Variants in ZNF385D observed in about 807,000 individuals in gnomAD.
ZNF385D encodes zinc finger protein 659.
A neutral mutation model predicts 35.8 loss-of-function variants in ZNF385D; 15 were observed. The ratio of observed to expected loss-of-function variants is 0.42; its 90% CI spans 0.28 to 0.64. The LOEUF (loss-of-function observed/expected upper bound fraction) is 0.64, where lower values mean the gene tolerates loss of function less well. Among genes scored for constraint, ZNF385D ranks in the 30% least tolerant of loss-of-function variants. ZNF385D has a pLI of 0.23. For synonymous variants in ZNF385D, 212 were observed against 186.8 expected, an observed-to-expected ratio of 1.13 and a Z score of -1.10; for missense variants, 474 against 494.6, an observed-to-expected ratio of 0.96 and a Z score of 0.39.
intron 3 of ZNF385D, among the ~76,000 whole-genome samples, chr3:21,922,787 T>C (rs745584044): frequency 1.3e-5 from 2 of 152,074 alleles, no homozygotes; most frequent in Non-Finnish European, 2.9e-5. Context: ...AATTGACAAG[T>C]GAGACCCAAT....
chr3:22,236,425 G>A (rs1181058494), intron 2 of ZNF385D, among the ~76,000 whole-genome samples: 1 of 152,052 alleles, frequency 6.6e-6, no homozygotes, highest in African/African-American at 2.4e-5. Context: ...TCAAACTCCT[G>A]GCTTCAAGTG....
In ZNF385D at chr3:21,808,596, T is replaced by C. The variant is rs192433374; in HGVS notation, c.326-143568A>G. 1.5e-3 allele frequency among the ~76,000 whole-genome samples: 221 copies of C among 152,320 alleles called. 1 individual carries two copies. The highest frequency in any genetic ancestry group is 2.7e-3 in the Non-Finnish European group (186 of 68,028). The stretch of plus-strand genomic sequence containing the variant: ...CTCCTTTGTGCCAGTGCTGTGGCCA[T>C]AGAGCTACTGGGTGGACTGTTGTCA... On this transcript the variant is annotated intron_variant, in intron 3 of 5. Transcript: ENST00000494108.
chr3:22,047,745 C>T (rs974719712), intron 3 of ZNF385D, among the ~76,000 whole-genome samples: 1 of 152,164 alleles, frequency 6.6e-6, no homozygotes, highest in South Asian at 2.1e-4. Context: ...TGATTTTATA[C>T]TCTTTAGATG....
chr3:21,742,749 G>A (rs978924189), intron 1 of ZNF385D, among the ~76,000 whole-genome samples: 11 of 152,108 alleles, frequency 7.2e-5, no homozygotes, highest in Non-Finnish European at 1.6e-4. Context: ...AGTTTCTTGC[G>A]ATTGCTACTC....
intron 2 of ZNF385D, among the ~76,000 whole-genome samples, chr3:22,178,043 A>G (rs1330441429): frequency 6.6e-6 from 1 of 152,188 alleles, no homozygotes; most frequent in Non-Finnish European, 1.5e-5. Context: ...CGCATTAAAC[A>G]TATGTGTACA....
At position 21,824,260 on chromosome 3, in the gene ZNF385D, G is replaced by A. The variant is rs114575493; in HGVS notation, c.326-159232C>T. 3.2e-3 allele frequency among the ~76,000 whole-genome samples: 485 copies of A among 152,232 alleles called. 4 individuals carry two copies. Among genetic ancestry groups the A allele is most frequent in the African/African-American group, 0.011 (448 of 41,536 alleles). On this transcript the variant is annotated intron_variant, in intron 3 of 5. Coordinates refer to the ZNF385D transcript ENST00000494108. Reference sequence around the variant, plus strand: ...TTTAAATTAACGTTATATTCAAAACGACATATCTACGTGTTTGATAATTCT... The same window carrying A: ...TTTAAATTAACGTTATATTCAAAACAACATATCTACGTGTTTGATAATTCT...
intron 1 of ZNF385D, among the ~76,000 whole-genome samples, chr3:21,725,871 A>G (rs559911584): frequency 1.3e-5 from 2 of 152,238 alleles, no homozygotes; most frequent in East Asian, 1.9e-4. Flanking sequence ...CGGCAGAGAC[A>G]TAACAAAAAA....
At chr3:22,023,501 C>T (rs185639021) in intron 3 of ZNF385D, among the ~76,000 whole-genome samples, 1 of 152,230 alleles carries the variant, frequency 6.6e-6, no homozygotes, top group Admixed American at 6.5e-5. Context: ...CATCAAAACC[C>T]ATCTTTGCTG....
intron 2 of ZNF385D, among the ~76,000 whole-genome samples, chr3:21,618,338 C>T (rs762569143): frequency 3.3e-5 from 5 of 151,994 alleles, no homozygotes; most frequent in African/African-American, 4.8e-5. Context: ...CCAAGAATGC[C>T]GAGGATTTTC....
intron 2 of ZNF385D, among the ~76,000 whole-genome samples, chr3:22,208,622 CT>C (rs1401203468): frequency 2.0e-5 from 3 of 151,522 alleles, no homozygotes; most frequent in Non-Finnish European, 2.9e-5. Context: ...CTCATTTCCC[CT>C]CATGTGATTA....
chr3:22,081,952 T>C (rs1274847198), intron 3 of ZNF385D, among the ~76,000 whole-genome samples: 4 of 151,908 alleles, frequency 2.6e-5, no homozygotes, highest in Non-Finnish European at 5.9e-5. Flanking sequence ...CCCCTAGTAG[T>C]TCTAAAGGCA....
chr3:21,770,361 G>T (rs2071024748), intron 3 of ZNF385D, among the ~76,000 whole-genome samples: 1 of 152,032 alleles, frequency 6.6e-6, no homozygotes, highest in Admixed American at 6.6e-5. Flanking sequence ...CTAATATCCA[G>T]AATCTACAAA....
intron 3 of ZNF385D, among the ~76,000 whole-genome samples, chr3:22,026,339 T>A (rs1054506746): frequency 6.6e-6 from 1 of 152,082 alleles, no homozygotes; most frequent in Non-Finnish European, 1.5e-5. Flanking sequence ...ACCGACAATT[T>A]ATGTGGTGAA....
intron 3 of ZNF385D, chr3:21,542,687 C>T (rs2062215288): frequency 1.3e-5 from 2 of 152,226 alleles, no homozygotes; most frequent in Admixed American, 1.3e-4. Flanking sequence ...ATCAGCCTGC[C>T]CACTGAGGTG....
intron 2 of ZNF385D, among the ~76,000 whole-genome samples, chr3:21,648,775 A>C (rs1266766076): frequency 4.6e-5 from 7 of 152,182 alleles, no homozygotes; most frequent in African/African-American, 1.7e-4. Flanking sequence ...CCTCACAGCT[A>C]CCCAAGACAA....
chr3:22,355,021 A>T (rs940670348), intron 2 of ZNF385D, among the ~76,000 whole-genome samples: 1 of 152,214 alleles, frequency 6.6e-6, no homozygotes, highest in South Asian at 2.1e-4. Flanking sequence ...AAATTTAATT[A>T]TAAAATTGGA....
intron 3 of ZNF385D, among the ~76,000 whole-genome samples, chr3:21,558,514 G>A (rs114619010): frequency 0.045 from 6,918 of 152,236 alleles, 207 homozygotes; most frequent in Middle Eastern, 0.14. Context: ...ACTGTGTTCC[G>A]AGAGAATGTT....
intron 1 of ZNF385D, among the ~76,000 whole-genome samples, chr3:21,674,621 C>G (rs2125294010): frequency 6.6e-6 from 1 of 152,146 alleles, no homozygotes; most frequent in East Asian, 1.9e-4. Context: ...CTAAGAAAAC[C>G]AATCATCTAT....
At chr3:22,104,623 A>G (rs1344317775) in intron 3 of ZNF385D, among the ~76,000 whole-genome samples, 1 of 152,128 alleles carries the variant, frequency 6.6e-6, no homozygotes, top group Non-Finnish European at 1.5e-5. Flanking sequence ...CATTCAACAT[A>G]AAAACGACAA....
Sources: allele counts gnomAD v4.1 joint callset (sites outside exome capture counted in the v4.1 genomes callset), GRCh38; gene constraint gnomAD v4.1.1; transcripts MANE v1.5; gene names NCBI Gene and HGNC (gene_info 2026-07-23, HGNC 2026-07-21).